Variants in BEND4 observed in about 807,000 individuals in gnomAD.
BEND4 encodes BEN domain containing 4.
BEND4 carries 27 observed loss-of-function variants against 54.7 expected under a neutral mutation model. The ratio of observed to expected loss-of-function variants is 0.49; its 90% CI spans 0.36 to 0.68. BEND4 has a LOEUF of 0.68. Ranked by LOEUF, BEND4 falls within the 30% of genes least tolerant of loss-of-function variation. The pLI is 0.00. For synonymous variants in BEND4, 327 were observed against 299.5 expected, an observed-to-expected ratio of 1.09 and a Z score of -0.95; for missense variants, 702 against 697.2, an observed-to-expected ratio of 1.01 and a Z score of -0.08.
intron 3 of BEND4, among the ~76,000 whole-genome samples, chr4:42,127,652 C>T (rs1158888691): frequency 1.3e-5 from 2 of 152,128 alleles, no homozygotes; most frequent in African/African-American, 4.8e-5. Flanking sequence ...GTATGAATCC[C>T]TTCTACACAG....
At chr4:42,121,314 G>A (rs540972402) in intron 4 of BEND4, among the ~76,000 whole-genome samples, 19 of 152,266 alleles carry the variant, frequency 1.2e-4, no homozygotes, top group African/African-American at 2.6e-4. Context: ...GAGGCAGCCC[G>A]ATGCGGCTAG....
chr4:42,151,886 G>A lies in BEND4; in HGVS notation c.258C>T (p.Tyr86=), dbSNP rs915035338. The part of the protein sequence containing the change: ...PPQQFQAQSS[Y]PPGPGRAAAA... The stretch of plus-strand genomic sequence containing the variant: ...CGGCGGCCCGGCCGGGCCCGGGGGG[G>A]TAGGAGCTCTGCGCCTGGAACTGCT... The change falls in exon 2 of 6, where the codon TAC becomes TAT. Residue 86 remains tyrosine (Y), a synonymous_variant. Transcript: ENST00000502486. 2.7e-5 allele frequency: 35 copies of A among 1,295,582 alleles called. No individual in the cohort carries two copies. In the Admixed American group the frequency reaches 7.2e-4, roughly 27 times the overall value. The allele number at this position is 1,295,582 out of a possible 1,614,324, so 80.3% of individuals were successfully genotyped here. A position where few individuals can be genotyped will look rare whatever the true frequency, so the allele number is the denominator to read the frequency against.
chr4:42,149,982 T>G (rs1382929243), intron 2 of BEND4, among the ~76,000 whole-genome samples: 1 of 151,942 alleles, frequency 6.6e-6, no homozygotes, highest in South Asian at 2.1e-4. Flanking sequence ...CCTGGGCAGA[T>G]AGAGGGGAAA....
At chr4:42,130,830 T>C (rs961266720) in intron 3 of BEND4, among the ~76,000 whole-genome samples, 25 of 152,104 alleles carry the variant, frequency 1.6e-4, no homozygotes, top group Non-Finnish European at 3.1e-4. Context: ...TCATCAGTGA[T>C]AGACTGGATA....
At chr4:42,132,440 ATTATTTAT>A (rs10677500) in intron 3 of BEND4, among the ~76,000 whole-genome samples, 17 of 150,582 alleles carry the variant, frequency 1.1e-4, no homozygotes, top group African/African-American at 2.2e-4. Context: ...TTTTTATTTT[ATTATTTAT>A]TTATTTATTT....
At chr4:42,138,583 C>A (rs1455566277) in intron 3 of BEND4, among the ~76,000 whole-genome samples, 1 of 152,138 alleles carries the variant, frequency 6.6e-6, no homozygotes, top group Non-Finnish European at 1.5e-5. Flanking sequence ...GCAGCTCTTG[C>A]TACAAGAACA....
chr4:42,148,659 T>A (rs1475814240), intron 2 of BEND4, among the ~76,000 whole-genome samples: 4 of 152,216 alleles, frequency 2.6e-5, no homozygotes, highest in Non-Finnish European at 4.4e-5. Context: ...TTTTATCAGT[T>A]GAAGAAGATA....
At chr4:42,134,642 T>C (rs978261928) in intron 3 of BEND4, among the ~76,000 whole-genome samples, 2 of 152,186 alleles carry the variant, frequency 1.3e-5, no homozygotes, top group South Asian at 4.1e-4. Context: ...CAGACGCATA[T>C]AGAGTAACAA....
chr4:42,120,320 T>C (rs769994078), intron 4 of BEND4, 26 bp from the exon 5 acceptor site: 1 of 1,587,456 alleles, frequency 6.3e-7, no homozygotes, highest in Non-Finnish European at 8.6e-7. Flanking sequence ...ATTTTCTCAT[T>C]ACCCACCGAG....
At chr4:42,149,807 T>C (rs1167096347) in intron 2 of BEND4, among the ~76,000 whole-genome samples, 9 of 151,038 alleles carry the variant, frequency 6.0e-5, no homozygotes, top group African/African-American at 1.9e-4. Context: ...AGCAAGTGAC[T>C]GGTGCAGAAA....
chr4:42,119,243 A>T (rs1719966981), intron 5 of BEND4, among the ~76,000 whole-genome samples: 1 of 152,098 alleles, frequency 6.6e-6, no homozygotes, highest in Non-Finnish European at 1.5e-5. Context: ...CACCAGGAAA[A>T]ATTTTTATCC....
chr4:42,123,528 C>T (rs1420295878), intron 4 of BEND4, among the ~76,000 whole-genome samples: 2 of 151,690 alleles, frequency 1.3e-5, no homozygotes, highest in African/African-American at 2.4e-5. Flanking sequence ...TGCTTTGTGC[C>T]ACACAGGCAC....
chr4:42,130,373 G>C (rs182347024), intron 3 of BEND4, among the ~76,000 whole-genome samples: 1 of 151,498 alleles, frequency 6.6e-6, no homozygotes. Flanking sequence ...CCAGCTACTC[G>C]GGAGGCTGAG....
chr4:42,126,810 A>G (rs1346202149), intron 3 of BEND4, among the ~76,000 whole-genome samples: 2 of 152,216 alleles, frequency 1.3e-5, no homozygotes, highest in African/African-American at 4.8e-5. Context: ...CAGGAGTTGG[A>G]GACCTGCCTG....
intron 3 of BEND4, among the ~76,000 whole-genome samples, chr4:42,141,806 A>T (rs1720895240): frequency 6.6e-6 from 1 of 152,214 alleles, no homozygotes; most frequent in African/African-American, 2.4e-5. Context: ...TTAAAATTTT[A>T]AAATTTCTTA....
At chr4:42,123,855 T>A (rs1391048219) in intron 4 of BEND4, among the ~76,000 whole-genome samples, 1 of 152,142 alleles carries the variant, frequency 6.6e-6, no homozygotes, top group Non-Finnish European at 1.5e-5. Flanking sequence ...CAGTGATATG[T>A]CAGAAACTTC....
At chr4:42,134,736 T>C (rs1220705665) in intron 3 of BEND4, among the ~76,000 whole-genome samples, 1 of 152,220 alleles carries the variant, frequency 6.6e-6, no homozygotes, top group African/African-American at 2.4e-5. Context: ...TTTGTTACAG[T>C]GTCACCTGAG....
chr4:42,124,339 C>T (rs962746328), intron 4 of BEND4, among the ~76,000 whole-genome samples: 8 of 152,014 alleles, frequency 5.3e-5, no homozygotes, highest in Admixed American at 2.6e-4. Flanking sequence ...GGCAAGAAAG[C>T]GAGACCCTGT....
chr4:42,148,196 C>G (rs6856819), intron 2 of BEND4, among the ~76,000 whole-genome samples: 52,437 of 152,006 alleles, frequency 0.34, 12,385 homozygotes, highest in African/African-American at 0.68. Flanking sequence ...GTTAGAAAAT[C>G]AAAGCATCTT....
Sources: gnomAD v4.1 joint callset for allele counts (sites outside exome capture counted in the v4.1 genomes callset) on GRCh38, gnomAD v4.1.1 for gene constraint, MANE v1.5 for transcripts, NCBI Gene and HGNC (gene_info 2026-07-23, HGNC 2026-07-21) for gene names.